Variants in FAS observed in about 807,000 individuals in gnomAD.
FAS encodes Fas cell surface death receptor.
FAS carries 5 observed loss-of-function variants against 33.2 expected under a neutral mutation model. The observed-to-expected ratio is 0.15, with a 90% CI of 0.08 to 0.32. The LOEUF (loss-of-function observed/expected upper bound fraction) is 0.32, where lower values mean the gene tolerates loss of function less well. Ranked by LOEUF, FAS falls within the 10% of genes least tolerant of loss-of-function variation. The probability of loss-of-function intolerance (pLI) is 1.00; values close to 1 mark genes in which losing one functional copy is unlikely to be tolerated. For missense variants in FAS, 339 were observed against 386.0 expected (o/e 0.88, Z 1.02); for synonymous variants, 131 against 130.7 (o/e 1.00, Z -0.01).
At chr10:88,988,871 T>A (rs1847004204), upstream of FAS, among the ~76,000 whole-genome samples, 1 of 152,178 alleles carries the variant, frequency 6.6e-6, no homozygotes, top group Non-Finnish European at 1.5e-5. Flanking sequence ...GTTTTCAAAT[T>A]AAAGTAACCC....
chr10:88,972,785 CGTT>C (rs1412829928), intron 1 of FAS, among the ~76,000 whole-genome samples: 2 of 152,060 alleles, frequency 1.3e-5, no homozygotes, highest in African/African-American at 4.8e-5. Context: ...TTTTTCTCTG[CGTT>C]GTTTCTAGTT....
Position 89,014,534 on chromosome 10 carries a change from GT to G in FAS, c.*90del. ...AATAGCTGGCTGTAAATACTGCTTG[GT>G]TTTTTACTGGGTACATTTTATCATT... On this transcript the variant is annotated 3_prime_UTR_variant, in exon 9 of 9. Coordinates refer to ENST00000652046, the MANE Select transcript of FAS (RefSeq NM_000043.6). 7.9e-7 allele frequency: 1 copy of G among 1,263,798 alleles called. No homozygotes were observed. The highest frequency in any genetic ancestry group is 1.1e-6 in the Non-Finnish European group (1 of 892,270). The allele number at this position is 1,263,798 out of a possible 1,614,324, so 78.3% of individuals were successfully genotyped here.
At chr10:89,007,932 C>T (rs759358476) in intron 3 of FAS, 95 bp downstream of exon 3, 47 of 1,571,132 alleles carry the variant, frequency 3.0e-5, no homozygotes, top group Non-Finnish European at 3.9e-5. Context: ...TACTGTGGTG[C>T]TATGTTGACA....
At chr10:89,006,435 A>G (rs1294581006) in intron 2 of FAS, among the ~76,000 whole-genome samples, 1 of 152,242 alleles carries the variant, frequency 6.6e-6, no homozygotes, top group African/African-American at 2.4e-5. Context: ...AAAAGAATAT[A>G]TGAAGTTATT....
chr10:89,008,933 T>G lies in FAS; in HGVS notation c.379T>G (p.Cys127Gly), dbSNP rs1848386782. The change falls in exon 4 of 9, where the codon TGC becomes GGC. Residue 127 changes from cysteine (C) to glycine (G), a missense_variant. Coordinates refer to ENST00000652046, the MANE Select transcript of FAS (RefSeq NM_000043.6). ...INCTRTQNTKCRCKPNFFCNS... is the reference protein window; with the variant it reads ...INCTRTQNTKGRCKPNFFCNS... The stretch of plus-strand genomic sequence containing the variant: ...CTGCACCCGGACCCAGAATACCAAG[T>G]GCAGATGTAAACCAAACTTTTTTTG... The G allele has an allele frequency of 6.2e-7, 1 of 1,613,928 alleles. No individual in the cohort carries two copies. The highest frequency in any genetic ancestry group is 8.5e-7 in the Non-Finnish European group (1 of 1,179,904).
At chr10:88,988,739 G>A (rs1430275052), upstream of FAS, among the ~76,000 whole-genome samples, 1 of 152,172 alleles carries the variant, frequency 6.6e-6, no homozygotes, top group East Asian at 1.9e-4. Flanking sequence ...TTCATTAGGT[G>A]TTCATTCAAT....
At chr10:88,998,549 T>A (rs1054061178) in intron 1 of FAS, among the ~76,000 whole-genome samples, 2 of 152,076 alleles carry the variant, frequency 1.3e-5, no homozygotes, top group African/African-American at 4.8e-5. Context: ...AGACCCTATC[T>A]CCTGATACAG....
chr10:89,014,657 T>G lies in FAS; in HGVS notation c.*207T>G. On this transcript the variant is annotated 3_prime_UTR_variant, in exon 9 of 9. Transcript: ENST00000652046. ...AATCTAGTTGGGAAAACAAACTTCA[T>G]CAAGAGTAAATGCAGTGGCATGCTA... 1 of 698,968 alleles carries G rather than the reference T, an allele frequency of 1.4e-6. No individual in the cohort carries two copies. Among genetic ancestry groups the G allele is most frequent in the Non-Finnish European group, 2.6e-6 (1 of 388,034 alleles). 43.3% of individuals were successfully genotyped at this position (698,968 alleles called of 1,614,324 possible). A position where few individuals can be genotyped will look rare whatever the true frequency, so the allele number is the denominator to read the frequency against.
intron 2 of FAS, among the ~76,000 whole-genome samples, chr10:88,979,221 G>A (rs1215825014): frequency 6.6e-6 from 1 of 151,882 alleles, no homozygotes; most frequent in Non-Finnish European, 1.5e-5. Context: ...ATCTGGGGAG[G>A]AGAGATAAGG....
chr10:88,979,149 A>G (rs61852572), intron 2 of FAS, among the ~76,000 whole-genome samples: 15,495 of 152,136 alleles, frequency 0.1, 1,050 homozygotes, highest in Non-Finnish European at 0.15. Context: ...TTAAAATTAT[A>G]GATTCTTTAG....
chr10:88,979,922 T>C, intron 2 of FAS, among the ~76,000 whole-genome samples: 1 of 152,134 alleles, frequency 6.6e-6, no homozygotes, highest in East Asian at 1.9e-4. Context: ...AATGGAATAA[T>C]AGAAGATATA....
chr10:88,967,956 A>G (rs906453533), intron 1 of FAS, among the ~76,000 whole-genome samples: 2 of 152,170 alleles, frequency 1.3e-5, no homozygotes, highest in Non-Finnish European at 2.9e-5. Flanking sequence ...CTTCAAGTTT[A>G]TGGCTTATCC....
rs2133514282 is a variant in FAS at position 89,008,938 on chromosome 10, A to G, written c.384A>G (p.Arg128=). ...NCTRTQNTKC[R]CKPNFFCNST... is the part of the protein sequence containing the mutation. ...CCCGGACCCAGAATACCAAGTGCAG[A>G]TGTAAACCAAACTTTTTTTGTAACT... is the stretch of plus-strand genomic sequence containing the variant. The change falls in exon 4 of 9, where the codon AGA becomes AGG. Residue 128 remains arginine, a synonymous_variant. Coordinates refer to ENST00000652046, the MANE Select transcript of FAS (RefSeq NM_000043.6). 2 of 1,614,084 alleles carry G rather than the reference A, an allele frequency of 1.2e-6. No individual in the cohort carries two copies. The highest frequency in any genetic ancestry group is 1.7e-4 in the Middle Eastern group (1 of 6,060).
At chr10:88,972,822 GA>G (rs963685509) in intron 1 of FAS, among the ~76,000 whole-genome samples, 1 of 152,118 alleles carries the variant, frequency 6.6e-6, no homozygotes, top group African/African-American at 2.4e-5. Context: ...ATCAAAGTGA[GA>G]CCCCATTTAT....
intron 2 of FAS, among the ~76,000 whole-genome samples, chr10:89,004,988 C>T (rs535746743): frequency 6.6e-6 from 1 of 152,040 alleles, no homozygotes; most frequent in Non-Finnish European, 1.5e-5. Context: ...AGAGAAAAGA[C>T]AGATTTTATT....
In FAS at chr10:89,015,437, T is replaced by C. The variant is rs1355415552; in HGVS notation, c.*987T>C. 7 of 532,246 alleles carry C rather than the reference T, an allele frequency of 1.3e-5. No individual in the cohort carries two copies. The Admixed American group carries it at 1.6e-4, about 12-fold the overall frequency. 33.0% of individuals were successfully genotyped at this position (532,246 alleles called of 1,614,324 possible). A position where few individuals can be genotyped will look rare whatever the true frequency, so the allele number is the denominator to read the frequency against. ...ATTTTTCCCCCACCCCCGAAAATGT[T>C]CAATAATGTCCCATGTAAAACCTGC... On this transcript the variant is annotated 3_prime_UTR_variant, in exon 9 of 9. Transcript: ENST00000652046.
At chr10:89,006,109 T>C (rs1045092450) in intron 2 of FAS, among the ~76,000 whole-genome samples, 2 of 152,254 alleles carry the variant, frequency 1.3e-5, no homozygotes, top group African/African-American at 4.8e-5. Context: ...CGAAAGAACC[T>C]GTGGTTTACT....
intron 2 of FAS, chr10:88,974,606 C>T (rs1179750978): frequency 6.6e-6 from 1 of 152,230 alleles, no homozygotes; most frequent in African/African-American, 2.4e-5. Context: ...CCCATCTCAG[C>T]TTCCCAAAGT....
At position 88,964,326 on chromosome 10, in the gene FAS, G is replaced by A. The variant is rs138692966; in HGVS notation, n.95-8856G>A. ...ACCCAGGGAATGAGCAATTCTCAAA[G>A]AAGTGGCTTAGAACTCTGGTTTATG... On this transcript the variant is annotated intron_variant and non_coding_transcript_variant, in intron 1 of 3. Transcript: ENST00000688239. 5.1e-3 allele frequency among the ~76,000 whole-genome samples: 782 copies of A among 152,300 alleles called. 2 individuals are homozygous for A. Among genetic ancestry groups the A allele is most frequent in the Middle Eastern group, 0.01 (3 of 294 alleles).
Sources: gnomAD v4.1 joint callset for allele counts (sites outside exome capture counted in the v4.1 genomes callset) on GRCh38, gnomAD v4.1.1 for gene constraint, MANE v1.5 for transcripts, NCBI Gene and HGNC (gene_info 2026-07-23, HGNC 2026-07-21) for gene names.